The following IL1RAPL2 variants were observed in gnomAD, a reference collection of about 807,000 sequenced individuals.
IL1RAPL2 encodes the protein X-linked interleukin-1 receptor accessory protein-like 2.
Under a neutral mutation model 44.1 loss-of-function variants are expected in IL1RAPL2, and 3 were observed. That is an observed-to-expected ratio of 0.07 (90% confidence interval 0.03 to 0.18). The LOEUF (loss-of-function observed/expected upper bound fraction) is 0.18, where lower values mean the gene tolerates loss of function less well. Among genes scored for constraint, IL1RAPL2 ranks in the 10% least tolerant of loss-of-function variants. IL1RAPL2 has a pLI of 1.00. For missense variants in IL1RAPL2, 391 were observed against 496.4 expected, an observed-to-expected ratio of 0.79 and a Z score of 2.02; for synonymous variants, 181 against 178.8, an observed-to-expected ratio of 1.01 and a Z score of -0.10.
At chrX:105,211,606 C>G (rs1057507804) in intron 3 of IL1RAPL2, among the ~76,000 whole-genome samples, 2 of 111,211 alleles carry the variant, frequency 1.8e-5, no homozygotes, top group Admixed American at 1.9e-4. Flanking sequence ...CTGGTTCGAA[C>G]ATATTATTTG....
intron 2 of IL1RAPL2, among the ~76,000 whole-genome samples, chrX:104,967,460 AT>A (rs1307377868): frequency 8.1e-5 from 9 of 111,322 alleles, no homozygotes; most frequent in Non-Finnish European, 1.1e-4. Context: ...ATAAAAGGTT[AT>A]AAATTAATGA....
intron 2 of IL1RAPL2, among the ~76,000 whole-genome samples, chrX:104,850,510 A>G (rs927157380): frequency 8.9e-5 from 10 of 111,791 alleles, no homozygotes; most frequent in East Asian, 2.8e-4. Flanking sequence ...ATTTTGATCT[A>G]TTTGATCTGA....
At chrX:104,685,497 A>T (rs1930969879) in intron 2 of IL1RAPL2, among the ~76,000 whole-genome samples, 1 of 111,586 alleles carries the variant, frequency 9.0e-6, no homozygotes, top group African/African-American at 3.3e-5. Context: ...TATATGCAAT[A>T]GGTGACTACC....
At chrX:105,073,436 G>C (rs1341058018) in intron 2 of IL1RAPL2, among the ~76,000 whole-genome samples, 24 of 110,250 alleles carry the variant, frequency 2.2e-4, no homozygotes, top group Non-Finnish European at 4.0e-4. Context: ...TCTAAATCCA[G>C]TCTATCATTG....
At chrX:104,890,596 C>A (rs776602262) in intron 2 of IL1RAPL2, among the ~76,000 whole-genome samples, 1 of 112,452 alleles carries the variant, frequency 8.9e-6, no homozygotes, top group African/African-American at 3.2e-5. Context: ...TAAATGTCTT[C>A]TTTTGAGAAA....
intron 2 of IL1RAPL2, among the ~76,000 whole-genome samples, chrX:104,784,703 G>A (rs1396121953): frequency 4.6e-5 from 5 of 107,950 alleles, no homozygotes; most frequent in Non-Finnish European, 9.6e-5. Context: ...GTATGCTGGG[G>A]TATTAAGTCT....
chrX:105,671,135 T>C (rs1240512981), intron 6 of IL1RAPL2, among the ~76,000 whole-genome samples: 1 of 110,204 alleles, frequency 9.1e-6, no homozygotes, highest in Non-Finnish European at 1.9e-5. Context: ...TTAGTAGAGA[T>C]GGTGTTTCGC....
At chrX:105,489,657 C>CCTTT (rs202040521) in intron 6 of IL1RAPL2, among the ~76,000 whole-genome samples, 8 of 109,736 alleles carry the variant, frequency 7.3e-5, no homozygotes, top group African/African-American at 2.3e-4. Flanking sequence ...TTCCTTCCTT[C>CCTTT]CTTTCTTTCT....
intron 3 of IL1RAPL2, among the ~76,000 whole-genome samples, chrX:105,208,447 G>A (rs189174509): frequency 2.9e-3 from 325 of 111,972 alleles, no homozygotes; most frequent in African/African-American, 9.9e-3. Context: ...TTTTCTCACA[G>A]GTGTTGATAA....
At chrX:105,702,583 C>T (rs1281957077) in intron 6 of IL1RAPL2, among the ~76,000 whole-genome samples, 2 of 111,889 alleles carry the variant, frequency 1.8e-5, no homozygotes, top group Non-Finnish European at 3.8e-5. Flanking sequence ...AATTTTACTT[C>T]ATCCTCTGAC....
intron 2 of IL1RAPL2, among the ~76,000 whole-genome samples, chrX:104,860,537 A>G (rs1166015653): frequency 9.0e-6 from 1 of 111,564 alleles, no homozygotes; most frequent in Non-Finnish European, 1.9e-5. Context: ...GAAATAATAC[A>G]GGTTAAAGTA....
At chrX:104,902,604 C>A (rs1569338250) in intron 2 of IL1RAPL2, among the ~76,000 whole-genome samples, 1 of 111,771 alleles carries the variant, frequency 8.9e-6, no homozygotes, top group Non-Finnish European at 1.9e-5. Flanking sequence ...AGCCTCAAGC[C>A]TAACAGATTA....
At chrX:104,951,001 C>T (rs1429751532) in intron 2 of IL1RAPL2, among the ~76,000 whole-genome samples, 7 of 112,265 alleles carry the variant, frequency 6.2e-5, no homozygotes, top group African/African-American at 1.6e-4. Flanking sequence ...ACCCCTTGCG[C>T]TTCCCGAGTG....
At chrX:105,542,732 A>AT (rs1569452488) in intron 6 of IL1RAPL2, among the ~76,000 whole-genome samples, 41 of 40,778 alleles carry the variant, frequency 1.0e-3, no homozygotes, top group African/African-American at 2.2e-3. Flanking sequence ...TATTTATTTA[A>AT]TTTATTATTT....
rs773720985 is a variant in IL1RAPL2, at chrX:105,537,094, TATCA to T, written c.772+52711_772+52714del. Among the ~76,000 whole-genome samples the T allele has an allele frequency of 9.8e-5, 11 of 112,069 alleles. No individual in the cohort carries two copies. The East Asian group carries it at 3.1e-3, about 31-fold the overall frequency. On this transcript the variant is annotated intron_variant, in intron 6 of 10. Transcript: ENST00000372582. ...GTAGAAATTTTTAGGCAGTCAAATG[TATCA>T]ATCTTTTATTGCATCTAAAGTTTGA... is the stretch of plus-strand genomic sequence containing the variant.
chrX:105,692,060 G>A (rs1010999402), intron 6 of IL1RAPL2, among the ~76,000 whole-genome samples: 1 of 111,562 alleles, frequency 9.0e-6, no homozygotes, highest in Admixed American at 9.6e-5. Context: ...ATTTTATAAT[G>A]AGTTTTATTG....
intron 6 of IL1RAPL2, among the ~76,000 whole-genome samples, chrX:105,548,456 G>A (rs748441478): frequency 3.6e-5 from 4 of 111,397 alleles, no homozygotes; most frequent in African/African-American, 9.8e-5. Context: ...GCCTTGAGGT[G>A]GAAAGAACTT....
Position 105,447,784 on chromosome X carries a change from A to T in IL1RAPL2, c.698-36529A>T, listed in dbSNP as rs1556323062. Reference sequence around the variant, plus strand: ...TGTAAATATATATAAATATATTAAAAATATATATAAATATATTATACATAT... The same window carrying T: ...TGTAAATATATATAAATATATTAAATATATATATAAATATATTATACATAT... On this transcript the variant is annotated intron_variant, in intron 5 of 10. Coordinates refer to ENST00000372582, the MANE Select transcript of IL1RAPL2 (RefSeq NM_017416.2). Among the ~76,000 whole-genome samples the T allele has an allele frequency of 7.9e-5, 7 of 88,969 alleles. No homozygotes were observed. The East Asian group carries it at 1.0e-3, about 13-fold the overall frequency. 77.3% of individuals were successfully genotyped at this position (88,969 alleles called of 115,157 possible). A position where few individuals can be genotyped will look rare whatever the true frequency, so the allele number is the denominator to read the frequency against.
At chrX:104,599,803 C>A (rs1392400673) in intron 1 of IL1RAPL2, among the ~76,000 whole-genome samples, 4 of 111,013 alleles carry the variant, frequency 3.6e-5, no homozygotes, top group Non-Finnish European at 7.5e-5. Context: ...TGACTCATAA[C>A]AAGTTGTGCT....
Sources: gnomAD v4.1 joint callset for allele counts (sites outside exome capture counted in the v4.1 genomes callset) on GRCh38, gnomAD v4.1.1 for gene constraint, MANE v1.5 for transcripts, NCBI Gene and HGNC (gene_info 2026-07-23, HGNC 2026-07-21) for gene names.